Variants in RTN1 observed in about 807,000 individuals in gnomAD.
RTN1 encodes the protein reticulon 1.
Under a neutral mutation model 65.5 loss-of-function variants are expected in RTN1, and 25 were observed. That is an observed-to-expected ratio of 0.38 (90% confidence interval 0.28 to 0.53). RTN1 has a LOEUF of 0.53. RTN1 is among the 20% of genes least tolerant of loss of function. The pLI is 0.79. For missense variants in RTN1, 983 were observed against 1,025.4 expected, an observed-to-expected ratio of 0.96 and a Z score of 0.57; for synonymous variants, 471 against 447.6, an observed-to-expected ratio of 1.05 and a Z score of -0.66.
intron 1 of RTN1, among the ~76,000 whole-genome samples, chr14:59,761,355 T>G (rs2139545548): frequency 6.6e-6 from 1 of 152,296 alleles, no homozygotes; most frequent in South Asian, 2.1e-4. Flanking sequence ...TGGTAATGAA[T>G]AAGTCTCATG....
intron 1 of RTN1, among the ~76,000 whole-genome samples, chr14:59,832,831 G>C (rs999844117): frequency 6.6e-6 from 1 of 152,120 alleles, no homozygotes; most frequent in African/African-American, 2.4e-5. Flanking sequence ...CCTTAGACAG[G>C]TTCCGGAGAT....
chr14:59,799,602 C>T (rs879811535), intron 1 of RTN1, among the ~76,000 whole-genome samples: 8 of 152,270 alleles, frequency 5.3e-5, no homozygotes, highest in East Asian at 1.9e-4. Flanking sequence ...TAACTGGGTA[C>T]CCCAGACACA....
At chr14:59,785,820 C>A (rs932579262) in intron 1 of RTN1, among the ~76,000 whole-genome samples, 1 of 152,168 alleles carries the variant, frequency 6.6e-6, no homozygotes, top group African/African-American at 2.4e-5. Context: ...TCCATTCACC[C>A]ATGAAGATTA....
intron 3 of RTN1, among the ~76,000 whole-genome samples, chr14:59,609,348 A>T (rs1881873572): frequency 1.3e-5 from 2 of 151,164 alleles, no homozygotes; most frequent in South Asian, 2.1e-4. Context: ...TTTTGATGCA[A>T]AGATGCTAGA....
At chr14:59,804,537 T>C (rs574802998) in intron 1 of RTN1, among the ~76,000 whole-genome samples, 95 of 152,310 alleles carry the variant, frequency 6.2e-4, no homozygotes, top group African/African-American at 2.1e-3. Flanking sequence ...TAATTTATTT[T>C]AAATAGAATT....
intron 1 of RTN1, among the ~76,000 whole-genome samples, chr14:59,750,265 A>ATATT (rs372558235): frequency 1.8e-4 from 3 of 16,860 alleles, no homozygotes; most frequent in Non-Finnish European, 2.6e-4. Flanking sequence ...TAATATATAT[A>ATATT]ATATCTATAA....
At chr14:59,792,447 C>T (rs78700849) in intron 1 of RTN1, among the ~76,000 whole-genome samples, 1,895 of 151,748 alleles carry the variant, frequency 0.012, 36 homozygotes, top group African/African-American at 0.042. Context: ...TGCATGCTTG[C>T]ATAAGTAAAT....
intron 3 of RTN1, among the ~76,000 whole-genome samples, chr14:59,674,633 T>C (rs1365150180): frequency 6.6e-6 from 1 of 152,084 alleles, no homozygotes; most frequent in Non-Finnish European, 1.5e-5. Flanking sequence ...AAACCAAACA[T>C]AAAGGCTGTA....
rs536674133 is a variant in RTN1, at chr14:59,863,578, C to T, written c.241+6812G>A. 3.3e-5 allele frequency among the ~76,000 whole-genome samples: 5 copies of T among 152,154 alleles called. No individual in the cohort carries two copies. The East Asian group carries it at 9.7e-4, about 29-fold the overall frequency. ...AAAGACCTCTGTATATTTGAGTGACCCAGGACTCCTTGACCTCATCACTGT... is the reference window on the plus strand; with the variant it reads ...AAAGACCTCTGTATATTTGAGTGACTCAGGACTCCTTGACCTCATCACTGT... On this transcript the variant is annotated intron_variant, in intron 1 of 8. Coordinates refer to ENST00000267484, the MANE Select transcript of RTN1 (RefSeq NM_021136.3).
intron 3 of RTN1, among the ~76,000 whole-genome samples, chr14:59,654,473 C>G (rs1883082630): frequency 6.7e-6 from 1 of 149,026 alleles, no homozygotes; most frequent in African/African-American, 2.5e-5. Flanking sequence ...TCCCATCTCA[C>G]TCTGTAAGGT....
At chr14:59,867,672 G>C (rs1047786244) in intron 1 of RTN1, among the ~76,000 whole-genome samples, 1 of 152,148 alleles carries the variant, frequency 6.6e-6, no homozygotes, top group Non-Finnish European at 1.5e-5. Flanking sequence ...TATCTGTCCA[G>C]ATGGCATGAT....
chr14:59,815,218 T>A (rs1488898483), intron 1 of RTN1, among the ~76,000 whole-genome samples: 1 of 152,236 alleles, frequency 6.6e-6, no homozygotes, highest in East Asian at 1.9e-4. Context: ...CTGCACTGTG[T>A]AAAGCTCCAT....
chr14:59,786,615 A>G (rs1886254071), intron 1 of RTN1, among the ~76,000 whole-genome samples: 1 of 152,210 alleles, frequency 6.6e-6, no homozygotes, highest in East Asian at 1.9e-4. Context: ...TTTGAGAAAG[A>G]GTAAAAAGTA....
chr14:59,832,817 T>G (rs189223635), intron 1 of RTN1, among the ~76,000 whole-genome samples: 1 of 152,338 alleles, frequency 6.6e-6, no homozygotes, highest in African/African-American at 2.4e-5. Flanking sequence ...TACAGTGACC[T>G]CTGCCTTAGA....
At chr14:59,698,872 C>T (rs1240517374) in intron 3 of RTN1, among the ~76,000 whole-genome samples, 1 of 152,184 alleles carries the variant, frequency 6.6e-6, no homozygotes, top group Non-Finnish European at 1.5e-5. Flanking sequence ...AAATTCACTA[C>T]AAGGTTACAC....
intron 3 of RTN1, among the ~76,000 whole-genome samples, chr14:59,655,329 T>C (rs1883101563): frequency 1.3e-5 from 2 of 152,198 alleles, no homozygotes. Context: ...ATGAAATGAC[T>C]TTTTTTGTTC....
chr14:59,727,640 T>C lies in RTN1; in HGVS notation c.1044A>G (p.Lys348=), dbSNP rs1884808585. The C allele has an allele frequency of 1.9e-6, 3 of 1,608,002 alleles. No homozygotes were observed. Among genetic ancestry groups the C allele is most frequent in the Non-Finnish European group, 2.5e-6 (3 of 1,177,092 alleles). The change falls in exon 3 of 9, where the codon AAA becomes AAG. Residue 348 remains lysine, a synonymous_variant. Transcript: ENST00000267484. This position sits in a 1 kb window ranked among gnomAD's most constrained non-coding sequence, Gnocchi z 4.2. ...TEPSAAESQG[K]GSISEDELIT... is the part of the protein sequence containing the mutation. ...TCAGCTCATCCTCGGAGATGCTGCC[T>C]TTCCCCTGGGATTCTGCAGCAGATG...
At chr14:59,789,163 AT>A (rs1426890134) in intron 1 of RTN1, among the ~76,000 whole-genome samples, 1 of 150,684 alleles carries the variant, frequency 6.6e-6, no homozygotes, top group Non-Finnish European at 1.5e-5. Flanking sequence ...TATTCTTTTG[AT>A]TTTTTTTAGT....
intron 1 of RTN1, among the ~76,000 whole-genome samples, chr14:59,802,356 A>G (rs996902087): frequency 3.3e-5 from 5 of 152,178 alleles, no homozygotes; most frequent in African/African-American, 1.2e-4. Context: ...CATAATCTAT[A>G]CTGTACTAGA....
Sources: gnomAD v4.1 joint callset for allele counts (sites outside exome capture counted in the v4.1 genomes callset) on GRCh38, gnomAD v4.1.1 for gene constraint, Gnocchi (gnomAD v3.1) non-coding constraint, MANE v1.5 for transcripts, NCBI Gene and HGNC (gene_info 2026-07-23, HGNC 2026-07-21) for gene names.